The following ECT2 variants were observed in gnomAD, a reference collection of about 807,000 sequenced individuals.
ECT2 encodes the protein epithelial cell transforming 2, also known as protein ECT2.
In ECT2, 61 loss-of-function variants were observed where a neutral mutation model predicts 116.9. The ratio of observed to expected loss-of-function variants is 0.52; its 90% CI spans 0.42 to 0.65. ECT2 has a LOEUF of 0.65. ECT2 is among the 30% of genes least tolerant of loss of function. The pLI is 0.00. For synonymous variants in ECT2, 358 were observed against 346.4 expected, an observed-to-expected ratio of 1.03 and a Z score of -0.37; for missense variants, 937 against 1,078.7, an observed-to-expected ratio of 0.87 and a Z score of 1.84.
At chr3:172,784,011 A>G (rs1723173954) in intron 16 of ECT2, 102 bp downstream of exon 16, 1 of 750,220 alleles carries the variant, frequency 1.3e-6, no homozygotes, top group Non-Finnish European at 2.1e-6. Flanking sequence ...AGTAAAATGT[A>G]TCCATTAATA....
chr3:172,785,073 A>G (rs1010648711), intron 17 of ECT2, among the ~76,000 whole-genome samples: 2 of 152,154 alleles, frequency 1.3e-5, no homozygotes, highest in African/African-American at 2.4e-5. Context: ...CACTAATTCA[A>G]AATCATTTTA....
the ECT2 span, among the ~76,000 whole-genome samples, chr3:172,827,598 G>A: frequency 1.3e-5 from 2 of 152,190 alleles, no homozygotes; most frequent in Non-Finnish European, 1.5e-5. Flanking sequence ...TGGAGATAGA[G>A]TAGAGTGACG....
At chr3:172,757,486 G>T (rs1010332969) in intron 5 of ECT2, among the ~76,000 whole-genome samples, 4 of 141,472 alleles carry the variant, frequency 2.8e-5, no homozygotes, top group African/African-American at 1.0e-4. Context: ...CACGATCTCA[G>T]CTCACTGCAA....
chr3:172,753,412 A>T (rs907877506), intron 1 of ECT2, among the ~76,000 whole-genome samples: 9 of 152,174 alleles, frequency 5.9e-5, no homozygotes, highest in African/African-American at 2.2e-4. Flanking sequence ...AAAACTTGTT[A>T]AACCTTTTAT....
At chr3:172,781,960 TA>T (rs1209774098) in intron 14 of ECT2, among the ~76,000 whole-genome samples, 1 of 152,210 alleles carries the variant, frequency 6.6e-6, no homozygotes, top group Non-Finnish European at 1.5e-5. Flanking sequence ...TTTTATATTT[TA>T]AAAATGTTTT....
intron 12 of ECT2, among the ~76,000 whole-genome samples, chr3:172,768,598 A>C (rs1157024797): frequency 6.6e-6 from 1 of 152,208 alleles, no homozygotes; most frequent in African/African-American, 2.4e-5. Flanking sequence ...TGTAGACTTC[A>C]GATTTCATCA....
intron 20 of ECT2, 128 bp downstream of exon 20, chr3:172,803,108 A>C (rs1416768067): frequency 1.2e-6 from 1 of 861,244 alleles, no homozygotes; most frequent in Admixed American, 3.7e-5. Flanking sequence ...TTTTTTTAAA[A>C]AAATCGAGGA....
At chr3:172,783,653 A>T (rs7649589) in intron 15 of ECT2, 146 bp from the exon 16 acceptor site, 11 of 566,080 alleles carry the variant, frequency 1.9e-5, no homozygotes, top group Admixed American at 3.6e-5. Flanking sequence ...TTATAAAATA[A>T]GTTTGTTCTC....
intron 13 of ECT2, among the ~76,000 whole-genome samples, chr3:172,773,386 C>T (rs1721017653): frequency 6.6e-6 from 1 of 152,010 alleles, no homozygotes; most frequent in Non-Finnish European, 1.5e-5. Context: ...TATGGCCTTG[C>T]CAAACTCATT....
chr3:172,802,604 A>G lies in ECT2; in HGVS notation c.1908-12A>G. 6.7e-7 allele frequency: 1 copy of G among 1,493,890 alleles called. No homozygotes were observed. The highest frequency in any genetic ancestry group is 9.1e-7 in the Non-Finnish European group (1 of 1,096,518). 92.5% of individuals were successfully genotyped at this position (1,493,890 alleles called of 1,614,324 possible). On this transcript the variant is annotated splice_polypyrimidine_tract_variant and intron_variant, in intron 18 of 24. Transcript: ENST00000392692. ...TTCTATTTTAAAAGTTTTAAAAATA[A>G]CTATTTTTCAGGCATATTAATGAGG...
At chr3:172,755,048 G>A (rs566838050) in intron 2 of ECT2, among the ~76,000 whole-genome samples, 11 of 151,730 alleles carry the variant, frequency 7.2e-5, no homozygotes, top group African/African-American at 1.2e-4. Flanking sequence ...GTAAGATAGC[G>A]CATTCTCTGG....
At chr3:172,797,688 G>A (rs1725982961) in intron 18 of ECT2, among the ~76,000 whole-genome samples, 1 of 152,142 alleles carries the variant, frequency 6.6e-6, no homozygotes, top group African/African-American at 2.4e-5. Flanking sequence ...CAATCGTACT[G>A]CAGAAAGTTT....
intron 18 of ECT2, among the ~76,000 whole-genome samples, chr3:172,789,195 A>G (rs1724165788): frequency 6.7e-6 from 1 of 149,004 alleles, no homozygotes; most frequent in Non-Finnish European, 1.5e-5. Context: ...GGCTGTGGTA[A>G]TTGCTTCTCT....
At chr3:172,794,622 A>AAAC (rs201874137) in intron 18 of ECT2, among the ~76,000 whole-genome samples, 27,324 of 151,826 alleles carry the variant, frequency 0.18, 2,852 homozygotes, top group Non-Finnish European at 0.24. Flanking sequence ...GTCAGTTTCC[A>AAAC]AACAACAACA....
At chr3:172,797,768 C>G (rs1394624025) in intron 18 of ECT2, among the ~76,000 whole-genome samples, 2 of 152,044 alleles carry the variant, frequency 1.3e-5, no homozygotes, top group African/African-American at 4.8e-5. Context: ...TCCTGTGTTG[C>G]CTTTATTAGG....
intron 18 of ECT2, among the ~76,000 whole-genome samples, chr3:172,797,500 A>G (rs545391758): frequency 1.3e-5 from 2 of 152,316 alleles, no homozygotes; most frequent in East Asian, 3.9e-4. Context: ...CTGCTGTTAT[A>G]TCCTGACACT....
chr3:172,802,966 A>G lies in ECT2; in HGVS notation c.2092A>G (p.Asn698Asp), dbSNP rs776866520. 3 of 1,611,596 alleles carry G rather than the reference A, an allele frequency of 1.9e-6. No individual in the cohort carries two copies. Among genetic ancestry groups the G allele is most frequent in the Admixed American group, 3.4e-5 (2 of 59,638 alleles). The stretch of plus-strand genomic sequence containing the variant: ...AGAACAAGTAACTCTCTTCCTCTTC[A>G]ATGATTGCCTAGAGGTAAAGATGTA... ...RGEQVTLFLF[N>D]DCLEIARKRH... Residue 698 changes from asparagine (N) to aspartate (D), a missense_variant, in exon 20 of 25, where the codon AAT (asparagine) becomes GAT (aspartate). Asn to Asp is a conservative substitution (Grantham distance 23). Transcript: ENST00000392692.
intron 12 of ECT2, among the ~76,000 whole-genome samples, chr3:172,765,604 G>T (rs1469838844): frequency 6.6e-6 from 1 of 152,026 alleles, no homozygotes; most frequent in Admixed American, 6.6e-5. Context: ...TTAGATGATT[G>T]CAGTAGTCTC....
At chr3:172,805,215 T>A (rs1210162246) in intron 20 of ECT2, among the ~76,000 whole-genome samples, 2 of 135,432 alleles carry the variant, frequency 1.5e-5, no homozygotes, top group Non-Finnish European at 2.9e-5. Flanking sequence ...ATACTGAAAC[T>A]AATTTGGGAT....
Sources: allele counts gnomAD v4.1 joint callset (sites outside exome capture counted in the v4.1 genomes callset), GRCh38; gene constraint gnomAD v4.1.1; transcripts MANE v1.5; gene names NCBI Gene and HGNC (gene_info 2026-07-23, HGNC 2026-07-21).